The following PPP1R9A variants were observed in gnomAD, a reference collection of about 807,000 sequenced individuals.
PPP1R9A encodes the protein neurabin-1.
In PPP1R9A, 59 loss-of-function variants were observed where a neutral mutation model predicts 141.9. That is an observed-to-expected ratio of 0.42 (90% CI 0.34 to 0.52). The LOEUF (loss-of-function observed/expected upper bound fraction) is 0.52. Ranked by LOEUF, PPP1R9A falls within the 20% of genes least tolerant of loss-of-function variation. The probability of loss-of-function intolerance (pLI) is 0.10; values close to 1 mark genes in which losing one functional copy is unlikely to be tolerated. For synonymous variants in PPP1R9A, 500 were observed against 569.7 expected, an observed-to-expected ratio of 0.88 and a Z score of 1.74; for missense variants, 1,444 against 1,611.9, an observed-to-expected ratio of 0.90 and a Z score of 1.78.
rs1801671791 is a variant in PPP1R9A, at chr7:95,268,643, C to T, written c.2759C>T (p.Pro920Leu). The T allele has an allele frequency of 6.2e-7, 1 of 1,613,420 alleles. No homozygotes were observed. Among genetic ancestry groups the T allele is most frequent in the East Asian group, 2.2e-5 (1 of 44,862 alleles). ...QLSVKNRRQRPSRTRLYDSVS... is the reference protein window; with the variant it reads ...QLSVKNRRQRLSRTRLYDSVS... ...TCTGTGAAGAACAGACGCCAGAGAC[C>T]CTCTAGGACAAGACTGTATGATAGT... The change falls in exon 13 of 20, where the codon CCC becomes CTC. Residue 920 changes from proline to leucine, a missense_variant. Around this residue, in one of 5 missense-constraint regions of PPP1R9A, gnomAD observed 488 missense variants for 542.0 expected, o/e 0.90. Transcript: ENST00000433360.
At chr7:95,157,921 T>C (rs1829888457) in intron 4 of PPP1R9A, among the ~76,000 whole-genome samples, 1 of 152,192 alleles carries the variant, frequency 6.6e-6, no homozygotes, top group Non-Finnish European at 1.5e-5. Flanking sequence ...AAAATCAATA[T>C]GATTTCATTA....
chr7:95,136,679 A>T (rs748827005), intron 4 of PPP1R9A, among the ~76,000 whole-genome samples: 1 of 152,226 alleles, frequency 6.6e-6, no homozygotes, highest in African/African-American at 2.4e-5. Flanking sequence ...ACAAGTGTGT[A>T]TCAGAAATAC....
rs61519780 is a variant in PPP1R9A at position 95,175,256 on chromosome 7, T to TTGGATGGATGGA, written c.1754+13316_1754+13327dup. 7.8e-3 allele frequency among the ~76,000 whole-genome samples: 1,149 copies of TTGGATGGATGGA among 146,714 alleles called. 7 individuals are homozygous for TTGGATGGATGGA. Among genetic ancestry groups the TTGGATGGATGGA allele is most frequent in the East Asian group, 0.038 (190 of 4,948 alleles). ...TATCATAGTACGGATCAATAACTAG[T>TTGGATGGATGGA]TGGATGGATGGATGGATGGATGGAT... On this transcript the variant is annotated intron_variant, in intron 5 of 19. Coordinates refer to ENST00000433360, the MANE Select transcript of PPP1R9A (RefSeq NM_001166160.2).
intron 2 of PPP1R9A, among the ~76,000 whole-genome samples, chr7:95,009,327 T>G (rs184693104): frequency 1.3e-5 from 2 of 152,256 alleles, no homozygotes; most frequent in East Asian, 3.9e-4. Context: ...AAAAAAAGAC[T>G]CTTGCTTTAA....
At chr7:94,949,135 C>T (rs539367857) in intron 2 of PPP1R9A, among the ~76,000 whole-genome samples, 1 of 152,102 alleles carries the variant, frequency 6.6e-6, no homozygotes, top group African/African-American at 2.4e-5. Flanking sequence ...CCATTTCTAT[C>T]CAGTTTTGAT....
At chr7:95,111,148 C>T (rs1235921368) in intron 2 of PPP1R9A, 111 bp from the exon 3 acceptor site, 6 of 1,164,310 alleles carry the variant, frequency 5.2e-6, no homozygotes, top group Non-Finnish European at 7.1e-6. Context: ...AAAGACAAAA[C>T]AGTTGTTTAG....
rs1806195373 is a variant in PPP1R9A at position 95,290,400 on chromosome 7, T to C, written c.*97T>C. 7.5e-7 allele frequency: 1 copy of C among 1,341,914 alleles called. No homozygotes were observed. Among genetic ancestry groups the C allele is most frequent in the African/African-American group, 1.5e-5 (1 of 67,204 alleles). The allele number at this position is 1,341,914 out of a possible 1,614,324, so 83.1% of individuals were successfully genotyped here. A position where few individuals can be genotyped will look rare whatever the true frequency, so the allele number is the denominator to read the frequency against. On this transcript the variant is annotated 3_prime_UTR_variant, in exon 20 of 20. Coordinates refer to ENST00000433360, the MANE Select transcript of PPP1R9A (RefSeq NM_001166160.2). ...AGAGGATGAAAAAGAAACTAAATGA[T>C]AAGGGTAATGCGGCTCTAGGCCGGC... is the stretch of plus-strand genomic sequence containing the variant.
chr7:95,281,929 G>A (rs866636455), intron 16 of PPP1R9A, among the ~76,000 whole-genome samples: 23 of 152,042 alleles, frequency 1.5e-4, no homozygotes, highest in Admixed American at 9.2e-4. Context: ...ATGATCATCC[G>A]GTCCAGTTTT....
intron 2 of PPP1R9A, among the ~76,000 whole-genome samples, chr7:95,080,752 A>C (rs796099949): frequency 6.6e-5 from 10 of 152,260 alleles, no homozygotes; most frequent in African/African-American, 2.4e-4. Flanking sequence ...ATCAATATGC[A>C]AAAGAGGCAT....
At chr7:95,146,192 CTT>C (rs1164570483) in intron 4 of PPP1R9A, among the ~76,000 whole-genome samples, 9 of 152,154 alleles carry the variant, frequency 5.9e-5, no homozygotes, top group African/African-American at 1.7e-4. Context: ...GATTGCCATT[CTT>C]ACTGGCGTGA....
chr7:94,920,270 GT>G (rs1018601782), intron 2 of PPP1R9A, among the ~76,000 whole-genome samples: 1 of 151,916 alleles, frequency 6.6e-6, no homozygotes, highest in Non-Finnish European at 1.5e-5. Context: ...AGAAAGAAAT[GT>G]TTTGTAATAT....
At chr7:95,079,778 G>T (rs1381795143) in intron 2 of PPP1R9A, among the ~76,000 whole-genome samples, 1 of 152,144 alleles carries the variant, frequency 6.6e-6, no homozygotes, top group Non-Finnish European at 1.5e-5. Flanking sequence ...TGCAAGGCTG[G>T]TTCAATATAT....
chr7:95,280,861 G>A lies in PPP1R9A; in HGVS notation c.3297-3157G>A, dbSNP rs978860292. 2.6e-5 allele frequency among the ~76,000 whole-genome samples: 4 copies of A among 152,136 alleles called. No homozygotes were observed. The East Asian group carries it at 7.7e-4, about 29-fold the overall frequency. ...AGAAAGGGAGGGAGGAAGCAAATAA[G>A]AAAGGAAAGAAGGATTTTATGTTAT... is the stretch of plus-strand genomic sequence containing the variant. On this transcript the variant is annotated intron_variant, in intron 16 of 19. Coordinates refer to ENST00000433360, the MANE Select transcript of PPP1R9A (RefSeq NM_001166160.2).
chr7:94,999,572 G>C (rs1802603223), intron 2 of PPP1R9A, among the ~76,000 whole-genome samples: 1 of 152,142 alleles, frequency 6.6e-6, no homozygotes, highest in South Asian at 2.1e-4. Flanking sequence ...TCCTCAGATA[G>C]TCTTAGAAAG....
rs1801764139 is a variant in PPP1R9A, at chr7:95,269,174, C to T, written c.2824-33C>T. On this transcript the variant is annotated intron_variant, in intron 13 of 19. Coordinates refer to ENST00000433360, the MANE Select transcript of PPP1R9A (RefSeq NM_001166160.2). ...ATTGCATAGAACTGATACTCAGTGGCATAACCTTCCTTATAATCTCTTATA... is the reference window on the plus strand; with the variant it reads ...ATTGCATAGAACTGATACTCAGTGGTATAACCTTCCTTATAATCTCTTATA... The T allele has an allele frequency of 3.4e-6, 5 of 1,485,786 alleles. No individual in the cohort carries two copies. In the East Asian group the frequency reaches 9.1e-5, roughly 27 times the overall value. 92.0% of individuals were successfully genotyped at this position (1,485,786 alleles called of 1,614,324 possible). A position where few individuals can be genotyped will look rare whatever the true frequency, so the allele number is the denominator to read the frequency against.
At chr7:94,977,906 G>A (rs776767656) in intron 2 of PPP1R9A, among the ~76,000 whole-genome samples, 6 of 151,988 alleles carry the variant, frequency 3.9e-5, no homozygotes, top group Non-Finnish European at 8.8e-5. Flanking sequence ...GGGACTACAG[G>A]CACGTGCCAC....
intron 2 of PPP1R9A, among the ~76,000 whole-genome samples, chr7:94,956,812 A>C (rs1267690424): frequency 1.3e-5 from 2 of 152,170 alleles, no homozygotes; most frequent in Non-Finnish European, 2.9e-5. Context: ...CCCATAGTGC[A>C]TAGTCAGTCT....
chr7:95,006,113 A>C (rs1255192533), intron 2 of PPP1R9A, among the ~76,000 whole-genome samples: 2 of 152,070 alleles, frequency 1.3e-5, no homozygotes, highest in Non-Finnish European at 2.9e-5. Context: ...ATTTTTGCCA[A>C]GAATCTTTCC....
At chr7:95,134,077 T>C (rs1825183845) in intron 4 of PPP1R9A, among the ~76,000 whole-genome samples, 1 of 152,058 alleles carries the variant, frequency 6.6e-6, no homozygotes, top group African/African-American at 2.4e-5. Flanking sequence ...CAAATGCCCA[T>C]CAACGATAGA....
Sources: gnomAD v4.1 joint callset for allele counts (sites outside exome capture counted in the v4.1 genomes callset) on GRCh38, gnomAD v4.1.1 for gene constraint, gnomAD v4.1.1 regional missense constraint, MANE v1.5 for transcripts, NCBI Gene and HGNC (gene_info 2026-07-23, HGNC 2026-07-21) for gene names.